TRIM26: variants seen among roughly 807,000 people sequenced by gnomAD.
TRIM26 encodes tripartite motif containing 26.
TRIM26 carries 16 observed loss-of-function variants against 45.5 expected under a neutral mutation model. That is an observed-to-expected ratio of 0.35 (90% CI 0.24 to 0.53). TRIM26 has a LOEUF of 0.53. TRIM26 is among the 20% of genes least tolerant of loss of function. The pLI is 0.92. For missense variants in TRIM26, 442 were observed against 691.1 expected (o/e 0.64, Z 4.04); for synonymous variants, 273 against 290.4 (o/e 0.94, Z 0.61).
At chr6:30,193,241 G>A (rs187571005) in intron 6 of TRIM26, among the ~76,000 whole-genome samples, 2 of 140,386 alleles carry the variant, frequency 1.4e-5, no homozygotes, top group African/African-American at 2.7e-5. Flanking sequence ...GAATGCAGTG[G>A]CACAATCTCG....
At chr6:30,202,359 T>C (rs1192920147) in intron 2 of TRIM26, among the ~76,000 whole-genome samples, 1 of 152,180 alleles carries the variant, frequency 6.6e-6, no homozygotes, top group African/African-American at 2.4e-5. Flanking sequence ...ATAACAGAAT[T>C]AGAAAATCAT....
rs566056196 is a variant in TRIM26, at chr6:30,198,822, C to T, written c.282G>A (p.Arg94=). The change falls in exon 4 of 10, where the codon CGG becomes CGA. Residue 94 remains arginine (R), a synonymous_variant. Coordinates refer to ENST00000454678, the MANE Select transcript of TRIM26 (RefSeq NM_003449.5). The surrounding 1 kb of genome is among the most constrained non-coding windows in gnomAD (Gnocchi z 6.3). Reference sequence around the variant, plus strand: ...CGCACAACTTTGCATCCTGCTGCTCCCGGGTCACCTCTCCCGGCTGCCTGC... The same window carrying T: ...CGCACAACTTTGCATCCTGCTGCTCTCGGGTCACCTCTCCCGGCTGCCTGC... ...DKGRQPGEVT[R]EQQDAKLCER... 2 of 1,612,282 alleles carry T rather than the reference C, an allele frequency of 1.2e-6. No individual in the cohort carries two copies. Among genetic ancestry groups the T allele is most frequent in the African/African-American group, 2.7e-5 (2 of 75,022 alleles).
At chr6:30,191,509 T>C (rs879861886) in intron 6 of TRIM26, among the ~76,000 whole-genome samples, 15 of 146,826 alleles carry the variant, frequency 1.0e-4, no homozygotes, top group Non-Finnish European at 1.8e-4. Flanking sequence ...AAATACATCA[T>C]ACTACGTGAG....
chr6:30,191,221 C>T (rs1321040394), intron 6 of TRIM26, among the ~76,000 whole-genome samples: 1 of 152,062 alleles, frequency 6.6e-6, no homozygotes, highest in Non-Finnish European at 1.5e-5. Flanking sequence ...CTGTGACAGA[C>T]AGGTGGTAGG....
intron 1 of TRIM26, among the ~76,000 whole-genome samples, chr6:30,211,904 T>G (rs557959534): frequency 6.6e-6 from 1 of 152,304 alleles, no homozygotes; most frequent in South Asian, 2.1e-4. Flanking sequence ...AACAATAATA[T>G]GTAGATACTT....
chr6:30,211,161 C>G (rs989412281), intron 1 of TRIM26, among the ~76,000 whole-genome samples: 1 of 152,082 alleles, frequency 6.6e-6, no homozygotes, highest in African/African-American at 2.4e-5. Context: ...TACACACCCC[C>G]CTTTCCCACA....
chr6:30,199,349 C>A (rs1230225130), intron 3 of TRIM26, 85 bp from the exon 4 acceptor site: 2 of 426,914 alleles, frequency 4.7e-6, no homozygotes, highest in African/African-American at 2.0e-5. Flanking sequence ...GATATGGAAA[C>A]CCAGAAAGAT....
At position 30,209,429 on chromosome 6, in the gene TRIM26, G is replaced by A. The variant is rs1778058812; in HGVS notation, c.-376+3876C>T. ...ATTGCCAATGTAACGGTATTAAGAGGTGGGGTCTTTAAGACGTGACTGGGT... is the reference window on the plus strand; with the variant it reads ...ATTGCCAATGTAACGGTATTAAGAGATGGGGTCTTTAAGACGTGACTGGGT... On this transcript the variant is annotated intron_variant, in intron 1 of 9. Transcript: ENST00000454678. The surrounding 1 kb of genome is among the most constrained non-coding windows in gnomAD (Gnocchi z 4.8). Among the ~76,000 whole-genome samples the A allele has an allele frequency of 6.6e-6, 1 of 152,132 alleles. No homozygotes were observed. The highest frequency in any genetic ancestry group is 1.5e-5 in the Non-Finnish European group (1 of 68,026).
rs1776522754 is a variant in TRIM26 at position 30,196,791 on chromosome 6, G to A, written c.535-45C>T. Reference sequence around the variant, plus strand: ...GAGAAGGGCTGACACCTCTGCTCAGGGTGGAGGGCCCAGTGCTGGAGGTGT... The same window carrying A: ...GAGAAGGGCTGACACCTCTGCTCAGAGTGGAGGGCCCAGTGCTGGAGGTGT... On this transcript the variant is annotated intron_variant, in intron 5 of 9. Transcript: ENST00000454678. This position sits in a 1 kb window ranked among gnomAD's most constrained non-coding sequence, Gnocchi z 4.9. 4 of 1,598,136 alleles carry A rather than the reference G, an allele frequency of 2.5e-6. No homozygotes were observed. The highest frequency in any genetic ancestry group is 3.4e-6 in the Non-Finnish European group (4 of 1,167,296).
At chr6:30,203,890 A>C (rs1190816863) in intron 2 of TRIM26, among the ~76,000 whole-genome samples, 3 of 151,926 alleles carry the variant, frequency 2.0e-5, no homozygotes, top group Non-Finnish European at 4.4e-5. Context: ...AAAGCTAGAA[A>C]AGTTTTCTGG....
In TRIM26 at chr6:30,186,520, G is replaced by A; in HGVS notation, c.976C>T (p.Leu326=). Residue 326 remains leucine, a synonymous_variant, in exon 10 of 10, where the codon CTG becomes TTG. Coordinates refer to ENST00000454678, the MANE Select transcript of TRIM26 (RefSeq NM_003449.5). This position sits in a 1 kb window ranked among gnomAD's most constrained non-coding sequence, Gnocchi z 7.4. ...TLDPQSASGY[L]QLSEDWKCVT... ...CACTTCCAGTCCTCTGACAGCTGCA[G>A]GTACCCACTGGCCGACTGTGGGTCC... 6.6e-7 allele frequency: 1 copy of A among 1,526,560 alleles called. No homozygotes were observed. The highest frequency in any genetic ancestry group is 8.8e-7 in the Non-Finnish European group (1 of 1,139,762). The allele number at this position is 1,526,560 out of a possible 1,614,324, so 94.6% of individuals were successfully genotyped here.
intron 1 of TRIM26, among the ~76,000 whole-genome samples, chr6:30,211,891 G>A (rs1450762750): frequency 6.6e-6 from 1 of 152,172 alleles, no homozygotes; most frequent in African/African-American, 2.4e-5. Context: ...CAGAATAACT[G>A]CAAACAATAA....
Position 30,190,435 on chromosome 6 carries a change from A to G in TRIM26, c.766-400T>C, listed in dbSNP as rs1383779054. On this transcript the variant is annotated intron_variant, in intron 6 of 9. Transcript: ENST00000454678. The surrounding 1 kb of genome is among the most constrained non-coding windows in gnomAD (Gnocchi z 4.3). ...TTTGCTCCACGTACAGTGGAAACCC[A>G]CCAAGGGTTTCAAGTAGGGGCATGA... The G allele has an allele frequency of 4.1e-6, 1 of 245,406 alleles. No individual in the cohort carries two copies. The highest frequency in any genetic ancestry group is 4.8e-5 in the Admixed American group (1 of 20,930). 15.2% of individuals were successfully genotyped at this position (245,406 alleles called of 1,614,324 possible).
chr6:30,196,304 TA>T lies in TRIM26; in HGVS notation c.765+211del, dbSNP rs1419589953. Among the ~76,000 whole-genome samples, 1 of 152,272 alleles carries T rather than the reference TA, an allele frequency of 6.6e-6. No homozygotes were observed. Among genetic ancestry groups the T allele is most frequent in the African/African-American group, 2.4e-5 (1 of 41,470 alleles). ...ATTTAGTTTTTTGAACAGTTTTGTG[TA>T]AAAAGTTTATTTTTTGAAGTGACAG... On this transcript the variant is annotated intron_variant, in intron 6 of 9. Coordinates refer to ENST00000454678, the MANE Select transcript of TRIM26 (RefSeq NM_003449.5). This position sits in a 1 kb window ranked among gnomAD's most constrained non-coding sequence, Gnocchi z 4.9.
At chr6:30,212,937 A>G in intron 1 of TRIM26, among the ~76,000 whole-genome samples, 1 of 149,332 alleles carries the variant, frequency 6.7e-6, no homozygotes. Context: ...AAAAAAAAAG[A>G]AAGAGAAAGA....
chr6:30,189,621 A>C lies in TRIM26; in HGVS notation c.789-88T>G, dbSNP rs1373177726. The C allele has an allele frequency of 8.7e-7, 1 of 1,152,552 alleles. No individual in the cohort carries two copies. The highest frequency in any genetic ancestry group is 1.5e-5 in the African/African-American group (1 of 65,984). 71.4% of individuals were successfully genotyped at this position (1,152,552 alleles called of 1,614,324 possible). A position where few individuals can be genotyped will look rare whatever the true frequency, so the allele number is the denominator to read the frequency against. On this transcript the variant is annotated intron_variant, in intron 7 of 9. Transcript: ENST00000454678. The surrounding 1 kb of genome is among the most constrained non-coding windows in gnomAD (Gnocchi z 5.0). ...CTCTCAATCCTCATGGCAATTATGA[A>C]GGGGAGAGGAAAGGTATGATTATCC...
At chr6:30,193,162 G>GTGTGTATA (rs1461878897) in intron 6 of TRIM26, among the ~76,000 whole-genome samples, 1 of 32,002 alleles carries the variant, frequency 3.1e-5, no homozygotes, top group African/African-American at 1.7e-4. Flanking sequence ...GTGTGTGTGT[G>GTGTGTATA]TATATATATA....
chr6:30,212,668 C>CAGGAG (rs1444295464), intron 1 of TRIM26, among the ~76,000 whole-genome samples: 3 of 151,988 alleles, frequency 2.0e-5, no homozygotes, highest in Admixed American at 2.0e-4. Context: ...GAGTTAAAAA[C>CAGGAG]AGGAGGTTAA....
At position 30,189,290 on chromosome 6, in the gene TRIM26, C is replaced by A. The variant is rs749645678; in HGVS notation, c.905-91G>T. 10 of 1,591,086 alleles carry A rather than the reference C, an allele frequency of 6.3e-6. No homozygotes were observed. The highest frequency in any genetic ancestry group is 8.6e-6 in the Non-Finnish European group (10 of 1,160,366). ...GCAGTATCAATTTCCTGATAGGGAT[C>A]CATGTCTAAGACAAGAGGCCCTCAG... On this transcript the variant is annotated intron_variant, in intron 8 of 9. Coordinates refer to ENST00000454678, the MANE Select transcript of TRIM26 (RefSeq NM_003449.5). The surrounding 1 kb of genome is among the most constrained non-coding windows in gnomAD (Gnocchi z 5.0).
Sources: allele counts gnomAD v4.1 joint callset (sites outside exome capture counted in the v4.1 genomes callset), GRCh38; gene constraint gnomAD v4.1.1; non-coding constraint Gnocchi (gnomAD v3.1); transcripts MANE v1.5; gene names NCBI Gene and HGNC (gene_info 2026-07-23, HGNC 2026-07-21).